TSC22D1: variants seen among roughly 807,000 people sequenced by gnomAD.
TSC22D1 encodes TSC22 domain family member 1.
Under a neutral mutation model 74.2 loss-of-function variants are expected in TSC22D1, and 9 were observed. The ratio of observed to expected loss-of-function variants is 0.12; its 90% CI spans 0.07 to 0.21. The LOEUF is 0.21. Ranked by LOEUF, TSC22D1 falls within the 10% of genes least tolerant of loss-of-function variation. TSC22D1 has a pLI of 1.00. For missense variants in TSC22D1, 1,427 were observed against 1,304.7 expected (o/e 1.09, Z -1.44); for synonymous variants, 586 against 492.5 (o/e 1.19, Z -2.51).
intron 1 of TSC22D1, chr13:44,436,996 C>T (rs1319424305): frequency 2.0e-6 from 2 of 983,036 alleles, no homozygotes; most frequent in African/African-American, 3.5e-5. Context: ...CCCCCACCTC[C>T]GCCCCCATTC....
intron 1 of TSC22D1, among the ~76,000 whole-genome samples, chr13:44,490,669 G>C (rs1294835159): frequency 6.6e-6 from 1 of 151,930 alleles, no homozygotes; most frequent in African/African-American, 2.4e-5. Flanking sequence ...AGACCGAGGC[G>C]GGCAGATCAT....
At chr13:44,540,526 T>C (rs559954640) in intron 1 of TSC22D1, among the ~76,000 whole-genome samples, 1 of 152,326 alleles carries the variant, frequency 6.6e-6, no homozygotes, top group South Asian at 2.1e-4. Flanking sequence ...AAAAGATTTA[T>C]TCTTCAAGCA....
At chr13:44,537,612 A>G (rs1007241432) in intron 1 of TSC22D1, 3 of 984,732 alleles carry the variant, frequency 3.0e-6, no homozygotes, top group Non-Finnish European at 3.6e-6. Context: ...TTTTTAATTT[A>G]TATGTGTTTG....
chr13:44,490,303 G>A (rs1193687868), intron 1 of TSC22D1, among the ~76,000 whole-genome samples: 2 of 150,988 alleles, frequency 1.3e-5, no homozygotes, highest in Admixed American at 1.3e-4. Flanking sequence ...GTCTGTAGAG[G>A]AGGTATCGCT....
At chr13:44,564,236 T>C (rs1026179985) in intron 1 of TSC22D1, among the ~76,000 whole-genome samples, 1 of 152,202 alleles carries the variant, frequency 6.6e-6, no homozygotes, top group Admixed American at 6.5e-5. Flanking sequence ...ATTAAGCAGA[T>C]TTTATCTAAT....
chr13:44,517,095 T>C (rs1419135568), intron 1 of TSC22D1, among the ~76,000 whole-genome samples: 1 of 152,222 alleles, frequency 6.6e-6, no homozygotes, highest in Admixed American at 6.5e-5. Context: ...CGTGTGTGTT[T>C]GTGTGTATAC....
intron 1 of TSC22D1, among the ~76,000 whole-genome samples, chr13:44,459,364 A>G (rs1317739277): frequency 6.6e-6 from 1 of 152,102 alleles, no homozygotes; most frequent in Non-Finnish European, 1.5e-5. Context: ...CACTATGGAT[A>G]TCCTCTCTGC....
chr13:44,464,770 A>C (rs1877175918), intron 1 of TSC22D1, among the ~76,000 whole-genome samples: 1 of 152,220 alleles, frequency 6.6e-6, no homozygotes, highest in Non-Finnish European at 1.5e-5. Context: ...TTCCACCAGG[A>C]GCCCCTACCA....
intron 1 of TSC22D1, among the ~76,000 whole-genome samples, chr13:44,466,910 C>T (rs1178006859): frequency 6.6e-6 from 1 of 152,152 alleles, no homozygotes; most frequent in Non-Finnish European, 1.5e-5. Context: ...AGCCTGTAAT[C>T]CCAGCACTTT....
At chr13:44,469,502 G>T (rs1410363641) in intron 1 of TSC22D1, among the ~76,000 whole-genome samples, 1 of 151,950 alleles carries the variant, frequency 6.6e-6, no homozygotes, top group Non-Finnish European at 1.5e-5. Flanking sequence ...CACAAATTAA[G>T]CTCTTGCATC....
chr13:44,573,619 G>A lies in TSC22D1; in HGVS notation c.2456C>T (p.Pro819Leu). 6.2e-7 allele frequency: 1 copy of A among 1,614,236 alleles called. No homozygotes were observed. Among genetic ancestry groups the A allele is most frequent in the Non-Finnish European group, 8.5e-7 (1 of 1,180,046 alleles). The change falls in exon 1 of 3, where the codon CCT becomes CTT. Residue 819 changes from proline to leucine, a missense_variant. By Grantham distance (98) the Pro-to-Leu change is moderately conservative. Coordinates refer to ENST00000458659, the MANE Select transcript of TSC22D1 (RefSeq NM_183422.4). ...VAQGIVSQQL[P>L]AVSSLPSASS... ...AGCAGAGGGCAAAGAACTAACTGCA[G>A]GCAACTGCTGTGAAACAATTCCTTG...
At chr13:44,477,787 C>T (rs113512366) in intron 1 of TSC22D1, among the ~76,000 whole-genome samples, 8 of 151,906 alleles carry the variant, frequency 5.3e-5, no homozygotes, top group African/African-American at 9.7e-5. Flanking sequence ...GGCTTACAGG[C>T]GGGTGCCACC....
At chr13:44,455,868 G>T (rs1595091031) in intron 1 of TSC22D1, among the ~76,000 whole-genome samples, 3 of 152,162 alleles carry the variant, frequency 2.0e-5, no homozygotes. Flanking sequence ...ATATAAAAGA[G>T]ACGTCAATTT....
At chr13:44,476,097 C>A (rs1877896218) in intron 1 of TSC22D1, among the ~76,000 whole-genome samples, 1 of 152,156 alleles carries the variant, frequency 6.6e-6, no homozygotes, top group African/African-American at 2.4e-5. Context: ...GTGGGGGCTA[C>A]ATGGATTATA....
At chr13:44,533,693 G>A (rs1402395846) in intron 1 of TSC22D1, among the ~76,000 whole-genome samples, 2 of 152,180 alleles carry the variant, frequency 1.3e-5, no homozygotes, top group African/African-American at 2.4e-5. Context: ...TGAGGTGGGA[G>A]AATCACTTGA....
intron 1 of TSC22D1, among the ~76,000 whole-genome samples, chr13:44,548,719 G>A (rs1289917293): frequency 1.3e-5 from 2 of 151,978 alleles, no homozygotes; most frequent in African/African-American, 4.8e-5. Flanking sequence ...AAACTAAAAA[G>A]CCCATATCTA....
At chr13:44,482,146 A>C (rs1347254983) in intron 1 of TSC22D1, among the ~76,000 whole-genome samples, 1 of 152,262 alleles carries the variant, frequency 6.6e-6, no homozygotes, top group Non-Finnish European at 1.5e-5. Flanking sequence ...ATTGACATCT[A>C]TGCTGTTAGT....
chr13:44,506,828 G>A (rs1305999808), intron 1 of TSC22D1, among the ~76,000 whole-genome samples: 1 of 152,124 alleles, frequency 6.6e-6, no homozygotes, highest in African/African-American at 2.4e-5. Flanking sequence ...GGACTACAGT[G>A]GTGATAATGG....
At chr13:44,572,701 G>A (rs1185796844) in intron 1 of TSC22D1, among the ~76,000 whole-genome samples, 3 of 152,096 alleles carry the variant, frequency 2.0e-5, no homozygotes, top group Admixed American at 2.0e-4. Context: ...AGGAAAAGTA[G>A]GCAACAATAT....
Sources: allele counts gnomAD v4.1 joint callset (sites outside exome capture counted in the v4.1 genomes callset), GRCh38; gene constraint gnomAD v4.1.1; transcripts MANE v1.5; gene names NCBI Gene and HGNC (gene_info 2026-07-23, HGNC 2026-07-21).